Variants in TPCN1 observed in about 807,000 individuals in gnomAD.
TPCN1 encodes the protein two pore segment channel 1.
A neutral mutation model predicts 108.8 loss-of-function variants in TPCN1; 52 were observed. The ratio of observed to expected loss-of-function variants is 0.48; its 90% CI spans 0.38 to 0.60. The LOEUF (loss-of-function observed/expected upper bound fraction) is 0.60. Ranked by LOEUF, TPCN1 falls within the 20% of genes least tolerant of loss-of-function variation. The probability of loss-of-function intolerance (pLI) is 0.00; values close to 1 mark genes in which losing one functional copy is unlikely to be tolerated. For synonymous variants in TPCN1, 446 were observed against 433.7 expected (o/e 1.03, Z -0.35); for missense variants, 806 against 1,072.8 (o/e 0.75, Z 3.47).
intron 2 of TPCN1, among the ~76,000 whole-genome samples, chr12:113,230,721 G>A (rs567307853): frequency 2.0e-5 from 3 of 152,210 alleles, no homozygotes; most frequent in African/African-American, 4.8e-5. Context: ...CTCCTGAAGC[G>A]CTGGGATTAC....
At chr12:113,223,435 C>CTTTTTTTT (rs1172851714) in intron 1 of TPCN1, among the ~76,000 whole-genome samples, 1,606 of 120,084 alleles carry the variant, frequency 0.013, 48 homozygotes, top group African/African-American at 0.047. Context: ...TCTGCTGAGT[C>CTTTTTTTT]TTTTTTTTTT....
chr12:113,284,776 G>A lies in TPCN1; in HGVS notation c.1453+5G>A, dbSNP rs752999622. ...GTTACCTCGTCTTTCTAACTAGTACGTTTCCGACATGGCTTTGCTGGACTG... is the reference window on the plus strand; with the variant it reads ...GTTACCTCGTCTTTCTAACTAGTACATTTCCGACATGGCTTTGCTGGACTG... On this transcript the variant is annotated splice_donor_5th_base_variant and intron_variant, in intron 17 of 27. Coordinates refer to ENST00000335509, the MANE Select transcript of TPCN1 (RefSeq NM_017901.6). The surrounding 1 kb of genome is among the most constrained non-coding windows in gnomAD (Gnocchi z 4.1). The A allele has an allele frequency of 1.2e-5, 20 of 1,614,024 alleles. No individual in the cohort carries two copies. Among genetic ancestry groups the A allele is most frequent in the Admixed American group, 1.7e-5 (1 of 60,000 alleles).
At chr12:113,249,498 A>T (rs1954545863) in intron 2 of TPCN1, 1 of 152,228 alleles carries the variant, frequency 6.6e-6, no homozygotes. Context: ...CCCTGCCCTC[A>T]GTTTCCCCAT....
At chr12:113,238,611 C>G (rs752439519) in intron 2 of TPCN1, among the ~76,000 whole-genome samples, 1 of 152,238 alleles carries the variant, frequency 6.6e-6, no homozygotes, top group Non-Finnish European at 1.5e-5. Flanking sequence ...GTTTATTTAG[C>G]TGAAGGCCTT....
chr12:113,292,841 C>A (rs1340243607), intron 25 of TPCN1, 93 bp from the exon 26 acceptor site: 5 of 1,425,568 alleles, frequency 3.5e-6, no homozygotes, highest in Admixed American at 2.1e-5. Context: ...AACCTTAAGA[C>A]CCCCTGCGGA....
At chr12:113,291,521 G>A (rs771401274) in intron 23 of TPCN1, 88 bp from the exon 24 acceptor site, 10 of 1,171,678 alleles carry the variant, frequency 8.5e-6, no homozygotes, top group Middle Eastern at 2.0e-4. Flanking sequence ...TGGGGTCTGC[G>A]AAGAGCCGGG....
chr12:113,272,791 G>T lies in TPCN1; in HGVS notation c.783+99G>T. 1 of 1,213,536 alleles carries T rather than the reference G, an allele frequency of 8.2e-7. No homozygotes were observed. The highest frequency in any genetic ancestry group is 1.2e-6 in the Non-Finnish European group (1 of 816,980). 75.2% of individuals were successfully genotyped at this position (1,213,536 alleles called of 1,614,324 possible). A position where few individuals can be genotyped will look rare whatever the true frequency, so the allele number is the denominator to read the frequency against. ...CCCTGTGGCCATATGGGGAAGGGGG[G>T]GCCTGCCTGGTTTCTCATCATAGCT... On this transcript the variant is annotated intron_variant, in intron 8 of 27. Transcript: ENST00000335509. The surrounding 1 kb of genome is among the most constrained non-coding windows in gnomAD (Gnocchi z 4.1).
chr12:113,272,795 T>C lies in TPCN1; in HGVS notation c.783+103T>C, dbSNP rs1955548607. ...GTGGCCATATGGGGAAGGGGGGGCC[T>C]GCCTGGTTTCTCATCATAGCTTGTG... On this transcript the variant is annotated intron_variant, in intron 8 of 27. Transcript: ENST00000335509. The surrounding 1 kb of genome is among the most constrained non-coding windows in gnomAD (Gnocchi z 4.1). 8.5e-7 allele frequency: 1 copy of C among 1,180,858 alleles called. No individual in the cohort carries two copies. Among genetic ancestry groups the C allele is most frequent in the Non-Finnish European group, 1.3e-6 (1 of 787,330 alleles). 73.1% of individuals were successfully genotyped at this position (1,180,858 alleles called of 1,614,324 possible). A position where few individuals can be genotyped will look rare whatever the true frequency, so the allele number is the denominator to read the frequency against.
rs1276645950 is a variant in TPCN1 at position 113,268,902 on chromosome 12, A to C, written c.659+30A>C. 1 of 1,612,658 alleles carries C rather than the reference A, an allele frequency of 6.2e-7. No homozygotes were observed. Among genetic ancestry groups the C allele is most frequent in the African/African-American group, 1.3e-5 (1 of 74,906 alleles). On this transcript the variant is annotated intron_variant, in intron 6 of 27. Transcript: ENST00000335509. This position sits in a 1 kb window ranked among gnomAD's most constrained non-coding sequence, Gnocchi z 7.3. ...GGCCCGGGTGGGGAGCTGGGCAGTC[A>C]CTATCCTGGCATGGCCTGACCTCTG...
intron 15 of TPCN1, among the ~76,000 whole-genome samples, chr12:113,282,577 CCT>C (rs1190600988): frequency 6.7e-6 from 1 of 150,078 alleles, no homozygotes; most frequent in East Asian, 2.0e-4. Flanking sequence ...TAGTGAGACC[CCT>C]GTCTCTACAA....
chr12:113,291,516 T>G (rs1593214550), intron 23 of TPCN1, 93 bp from the exon 24 acceptor site: 1 of 1,054,914 alleles, frequency 9.5e-7, no homozygotes, highest in Admixed American at 2.0e-5. Flanking sequence ...CACGGTGGGG[T>G]CTGCGAAGAG....
intron 3 of TPCN1, among the ~76,000 whole-genome samples, chr12:113,265,105 C>G (rs1036920342): frequency 2.6e-5 from 4 of 152,204 alleles, no homozygotes. Context: ...GGATTACAGG[C>G]ATGAGCCACT....
chr12:113,294,626 CAAAAAA>C (rs368650271), intron 27 of TPCN1, among the ~76,000 whole-genome samples: 18 of 95,526 alleles, frequency 1.9e-4, no homozygotes, highest in African/African-American at 4.9e-4. Context: ...GACTCTGTCT[CAAAAAA>C]AAAAAAAAAA....
intron 15 of TPCN1, among the ~76,000 whole-genome samples, chr12:113,280,588 C>T (rs1436966283): frequency 6.6e-6 from 1 of 152,184 alleles, no homozygotes; most frequent in Non-Finnish European, 1.5e-5. Flanking sequence ...CTGTCTAGAG[C>T]CATGCTGTGC....
chr12:113,262,832 C>T (rs1955095383), intron 3 of TPCN1, among the ~76,000 whole-genome samples: 1 of 152,208 alleles, frequency 6.6e-6, no homozygotes, highest in Non-Finnish European at 1.5e-5. Flanking sequence ...AACTGAGACT[C>T]AGAGGGGCCA....
chr12:113,292,208 A>G, intron 25 of TPCN1: 1 of 484,040 alleles, frequency 2.1e-6, no homozygotes, highest in East Asian at 3.7e-5. Context: ...ATCAAGAAGT[A>G]GAGAAAGGCT....
Position 113,288,030 on chromosome 12 carries a change from T to G in TPCN1, c.1635-133T>G. 2 of 819,666 alleles carry G rather than the reference T, an allele frequency of 2.4e-6. No individual in the cohort carries two copies. The highest frequency in any genetic ancestry group is 1.8e-5 in the South Asian group (1 of 57,026). 50.8% of individuals were successfully genotyped at this position (819,666 alleles called of 1,614,324 possible). Reference sequence around the variant, plus strand: ...TCAGGGTTGGTGGCGCCCAAGGGAGTGGACGCAGGTGGAGGAGAGGCCCTC... The same window carrying G: ...TCAGGGTTGGTGGCGCCCAAGGGAGGGGACGCAGGTGGAGGAGAGGCCCTC... On this transcript the variant is annotated intron_variant, in intron 19 of 27. Coordinates refer to ENST00000335509, the MANE Select transcript of TPCN1 (RefSeq NM_017901.6). This position sits in a 1 kb window ranked among gnomAD's most constrained non-coding sequence, Gnocchi z 4.8.
chr12:113,244,199 A>G (rs1954259144), intron 2 of TPCN1: 1 of 544,116 alleles, frequency 1.8e-6, no homozygotes. Flanking sequence ...CTTTCACACC[A>G]GAGTCCCTCC....
intron 2 of TPCN1, among the ~76,000 whole-genome samples, chr12:113,259,520 G>A (rs1954946283): frequency 6.6e-6 from 1 of 152,218 alleles, no homozygotes; most frequent in South Asian, 2.1e-4. Context: ...TTCCAGAGGT[G>A]CAGCTGGTGT....
Sources: gnomAD v4.1 joint callset for allele counts (sites outside exome capture counted in the v4.1 genomes callset) on GRCh38, gnomAD v4.1.1 for gene constraint, Gnocchi (gnomAD v3.1) non-coding constraint, MANE v1.5 for transcripts, NCBI Gene and HGNC (gene_info 2026-07-23, HGNC 2026-07-21) for gene names.